MLLT3: variants seen among roughly 807,000 people sequenced by gnomAD.
MLLT3 encodes MLLT3 super elongation complex subunit.
Under a neutral mutation model 53.2 loss-of-function variants are expected in MLLT3, and 4 were observed. The ratio of observed to expected loss-of-function variants is 0.08; its 90% confidence interval spans 0.04 to 0.17. MLLT3 has a LOEUF of 0.17. Among genes scored for constraint, MLLT3 ranks in the 10% least tolerant of loss-of-function variants. MLLT3 has a pLI of 1.00. For synonymous variants in MLLT3, 283 were observed against 230.6 expected, an observed-to-expected ratio of 1.23 and a Z score of -2.06; for missense variants, 569 against 684.0, an observed-to-expected ratio of 0.83 and a Z score of 1.87.
intron 2 of MLLT3, among the ~76,000 whole-genome samples, chr9:20,613,079 A>C (rs956788164): frequency 6.6e-6 from 1 of 152,220 alleles, no homozygotes; most frequent in African/African-American, 2.4e-5. Context: ...TGAAATACTA[A>C]GCAGAAGAAA....
At chr9:20,397,979 T>C (rs1822363638) in intron 5 of MLLT3, among the ~76,000 whole-genome samples, 1 of 152,192 alleles carries the variant, frequency 6.6e-6, no homozygotes, top group Admixed American at 6.6e-5. Context: ...CCACATCTTG[T>C]TTCTGTCACT....
intron 2 of MLLT3, among the ~76,000 whole-genome samples, chr9:20,494,506 C>T (rs186512020): frequency 7.6e-4 from 115 of 152,186 alleles, no homozygotes; most frequent in African/African-American, 2.7e-3. Context: ...TTTTTCCTAA[C>T]CTCAAAGTCA....
At chr9:20,432,246 A>C (rs1210952652) in intron 4 of MLLT3, among the ~76,000 whole-genome samples, 1 of 152,216 alleles carries the variant, frequency 6.6e-6, no homozygotes, top group African/African-American at 2.4e-5. Flanking sequence ...TAGGCAATCA[A>C]GTATGTGCTC....
intron 2 of MLLT3, among the ~76,000 whole-genome samples, chr9:20,615,898 A>T (rs1243016973): frequency 2.8e-5 from 4 of 142,790 alleles, no homozygotes; most frequent in South Asian, 4.6e-4. Context: ...AAAAGAAAAG[A>T]AAAGTAAACA....
At chr9:20,382,731 G>A (rs1394908402) in intron 5 of MLLT3, among the ~76,000 whole-genome samples, 1 of 151,900 alleles carries the variant, frequency 6.6e-6, no homozygotes, top group East Asian at 1.9e-4. Context: ...ACCTCTCTTA[G>A]TATAACAGGA....
At chr9:20,467,228 G>A (rs1345858893) in intron 2 of MLLT3, among the ~76,000 whole-genome samples, 4 of 151,796 alleles carry the variant, frequency 2.6e-5, no homozygotes, top group African/African-American at 7.3e-5. Context: ...TGATCCTCTC[G>A]CCTCAGCCTA....
intron 2 of MLLT3, among the ~76,000 whole-genome samples, chr9:20,575,968 T>C (rs1465555294): frequency 1.3e-5 from 2 of 152,212 alleles, no homozygotes; most frequent in Non-Finnish European, 2.9e-5. Context: ...ATAACATCTT[T>C]TTCCAATCGA....
At chr9:20,501,456 T>A (rs1000375246) in intron 2 of MLLT3, among the ~76,000 whole-genome samples, 3 of 152,128 alleles carry the variant, frequency 2.0e-5, no homozygotes, top group African/African-American at 7.2e-5. Flanking sequence ...GGAGACTCAG[T>A]TAAAACCACA....
intron 2 of MLLT3, among the ~76,000 whole-genome samples, chr9:20,537,562 G>T (rs560267254): frequency 6.6e-6 from 1 of 152,182 alleles, no homozygotes; most frequent in East Asian, 1.9e-4. Flanking sequence ...CGGGGGTGAG[G>T]GAGTCCTGCC....
intron 4 of MLLT3, chr9:20,415,546 A>ATTAGGAAGTGGAAGTAAG: frequency 2.2e-6 from 1 of 451,996 alleles, no homozygotes; most frequent in Non-Finnish European, 2.9e-6. Context: ...GCTTACTTCC[A>ATTAGGAAGTGGAAGTAAG]CTTCCTAATG....
rs527408428 is a variant in MLLT3 at position 20,424,803 on chromosome 9, A to T, written c.421-10378T>A. Among the ~76,000 whole-genome samples the T allele has an allele frequency of 3.9e-5, 6 of 152,324 alleles. No homozygotes were observed. In the East Asian group the frequency reaches 1.2e-3, roughly 29 times the overall value. ...TGCCTTAAATTTTCTTGTCAGTAAA[A>T]TGAGGACCATAATATTACCACAATA... On this transcript the variant is annotated intron_variant, in intron 4 of 10. Transcript: ENST00000380338.
chr9:20,618,018 G>T (rs1820879433), intron 2 of MLLT3, among the ~76,000 whole-genome samples: 1 of 152,126 alleles, frequency 6.6e-6, no homozygotes, highest in African/African-American at 2.4e-5. Context: ...CATCTTTGTG[G>T]CTGAGCAGTT....
intron 2 of MLLT3, among the ~76,000 whole-genome samples, chr9:20,556,285 T>C (rs967656652): frequency 3.9e-5 from 6 of 152,226 alleles, no homozygotes; most frequent in African/African-American, 1.4e-4. Flanking sequence ...CCTTGAGGCA[T>C]AGGATATTTT....
At chr9:20,613,765 T>C (rs1820756690) in intron 2 of MLLT3, among the ~76,000 whole-genome samples, 1 of 152,146 alleles carries the variant, frequency 6.6e-6, no homozygotes, top group African/African-American at 2.4e-5. Context: ...TTTTAAGCTG[T>C]TAATTTCCAG....
chr9:20,592,384 T>C (rs1178384237), intron 2 of MLLT3, among the ~76,000 whole-genome samples: 1 of 152,204 alleles, frequency 6.6e-6, no homozygotes, highest in East Asian at 1.9e-4. Context: ...GATGAAGATA[T>C]CAGCAGGGCT....
intron 2 of MLLT3, among the ~76,000 whole-genome samples, chr9:20,530,873 G>A (rs756273074): frequency 1.3e-5 from 2 of 151,938 alleles, no homozygotes; most frequent in Admixed American, 6.6e-5. Flanking sequence ...TCAAGTGATC[G>A]GCCCACCTTG....
chr9:20,553,339 G>T (rs964310479), intron 2 of MLLT3, among the ~76,000 whole-genome samples: 7 of 152,164 alleles, frequency 4.6e-5, no homozygotes, highest in African/African-American at 1.7e-4. Context: ...CCACAAGGAG[G>T]TAATAGTTGT....
intron 2 of MLLT3, among the ~76,000 whole-genome samples, chr9:20,524,055 G>A (rs1247888677): frequency 2.0e-5 from 3 of 151,848 alleles, no homozygotes; most frequent in African/African-American, 7.3e-5. Context: ...GGGATGAATA[G>A]GTAGAGCACA....
intron 2 of MLLT3, among the ~76,000 whole-genome samples, chr9:20,589,961 G>A (rs111776682): frequency 5.3e-5 from 8 of 152,098 alleles, no homozygotes; most frequent in African/African-American, 1.7e-4. Context: ...CACCTGCCTC[G>A]GCCTCCCAAA....
Sources: allele counts gnomAD v4.1 joint callset (sites outside exome capture counted in the v4.1 genomes callset), GRCh38; gene constraint gnomAD v4.1.1; transcripts MANE v1.5; gene names NCBI Gene and HGNC (gene_info 2026-07-23, HGNC 2026-07-21).